COL4A1: variants seen among roughly 807,000 people sequenced by gnomAD.
COL4A1 encodes collagen alpha-1(IV) chain.
Under a neutral mutation model 216.6 loss-of-function variants are expected in COL4A1, and 40 were observed. The observed-to-expected ratio is 0.18, with a 90% confidence interval of 0.14 to 0.24. COL4A1 has a LOEUF of 0.24. Ranked by LOEUF, COL4A1 falls within the 10% of genes least tolerant of loss-of-function variation. COL4A1 has a pLI of 1.00. For synonymous variants in COL4A1, 839 were observed against 810.7 expected (o/e 1.03, Z -0.59); for missense variants, 1,628 against 2,196.8 (o/e 0.74, Z 5.18).
chr13:110,258,170 T>C (rs1882659991), intron 1 of COL4A1, among the ~76,000 whole-genome samples: 1 of 152,174 alleles, frequency 6.6e-6, no homozygotes, highest in South Asian at 2.1e-4. Flanking sequence ...TAGAAAACCT[T>C]TTGCTACCAC....
intron 47 of COL4A1, among the ~76,000 whole-genome samples, chr13:110,162,889 C>T (rs1877150829): frequency 6.6e-6 from 1 of 152,212 alleles, no homozygotes; most frequent in African/African-American, 2.4e-5. Flanking sequence ...CCATAGCAGC[C>T]CAAAGCCTGC....
rs1879161669 is a variant in COL4A1, at chr13:110,200,903, G to A, written c.1085-14C>T. On this transcript the variant is annotated splice_polypyrimidine_tract_variant and intron_variant, in intron 19 of 51. Coordinates refer to ENST00000375820, the MANE Select transcript of COL4A1 (RefSeq NM_001845.6). ...GTCCTGGGAAACCTGAAAAGAGAAAGAGAGTGTTGGATCAAACAGAACAGT... is the reference window on the plus strand; with the variant it reads ...GTCCTGGGAAACCTGAAAAGAGAAAAAGAGTGTTGGATCAAACAGAACAGT... The A allele has an allele frequency of 6.2e-7, 1 of 1,613,968 alleles. No individual in the cohort carries two copies. The highest frequency in any genetic ancestry group is 8.5e-7 in the Non-Finnish European group (1 of 1,179,856).
At position 110,176,444 on chromosome 13, in the gene COL4A1, A is replaced by T; in HGVS notation, c.3038T>A (p.Val1013Asp). ...APGLPGPKGS[V>D]GGMGLPGTPG... ...TTTACCTGGCAAGCCCATTCCACCA[A>T]CAGATCCTTTTGGTCCCGGAAGTCC... The change falls in exon 36 of 52, where the codon GTT (valine) becomes GAT (aspartate). Residue 1013 changes from valine to aspartate, a missense_variant. Val to Asp is a radical substitution (Grantham distance 152). Transcript: ENST00000375820. The T allele has an allele frequency of 6.2e-7, 1 of 1,613,616 alleles. No homozygotes were observed. The highest frequency in any genetic ancestry group is 8.5e-7 in the Non-Finnish European group (1 of 1,179,528).
At chr13:110,201,240 AAGGAGG>A (rs766675068) in intron 19 of COL4A1, among the ~76,000 whole-genome samples, 192 bp downstream of exon 19, 2 of 117,378 alleles carry the variant, frequency 1.7e-5, no homozygotes, top group African/African-American at 6.2e-5. Context: ...AGAGAGAGAG[AAGGAGG>A]AGGAGGAGGA....
chr13:110,186,251 C>T lies in COL4A1; in HGVS notation c.1897+134G>A, dbSNP rs149271696. 3.2e-4 allele frequency: 367 copies of T among 1,151,038 alleles called. 3 individuals carry two copies. The African/African-American group carries it at 5.0e-3, about 16-fold the overall frequency. The allele number at this position is 1,151,038 out of a possible 1,614,324, so 71.3% of individuals were successfully genotyped here. A position where few individuals can be genotyped will look rare whatever the true frequency, so the allele number is the denominator to read the frequency against. On this transcript the variant is annotated intron_variant, in intron 26 of 51. Coordinates refer to ENST00000375820, the MANE Select transcript of COL4A1 (RefSeq NM_001845.6). ...GCTGAAGGCTTGCCCAGGTCCTGCC[C>T]CAATTCCTGGAAGAATCAAAGCCAA...
Position 110,183,280 on chromosome 13 carries a change from G to C in COL4A1, c.1898-4C>G, listed in dbSNP as rs769913379. The C allele has an allele frequency of 1.2e-6, 2 of 1,611,876 alleles. No individual in the cohort carries two copies. Among genetic ancestry groups the C allele is most frequent in the Non-Finnish European group, 1.7e-6 (2 of 1,179,250 alleles). The stretch of plus-strand genomic sequence containing the variant: ...TTTCCTGGTTCACCCTTTGGACCTA[G>C]AGGAAAAAAAGAGCAAAGACAAACG... On this transcript the variant is annotated splice_region_variant and splice_polypyrimidine_tract_variant and intron_variant, in intron 26 of 51. Coordinates refer to ENST00000375820, the MANE Select transcript of COL4A1 (RefSeq NM_001845.6).
intron 23 of COL4A1, 28 bp downstream of exon 23, chr13:110,192,802 C>T: frequency 2.5e-6 from 4 of 1,600,242 alleles, no homozygotes; most frequent in South Asian, 1.1e-5. Context: ...CAAACTCTGA[C>T]CTGGTCCTTT....
rs1183838866 is a variant in COL4A1, at chr13:110,252,611, A to ACG, written c.85-9878_85-9877insCG. On this transcript the variant is annotated intron_variant, in intron 1 of 51. Coordinates refer to ENST00000375820, the MANE Select transcript of COL4A1 (RefSeq NM_001845.6). The stretch of plus-strand genomic sequence containing the variant: ...ATAATTATACGTATATATGTATTAT[A>ACG]TATGTATAATTGTATATATTATATA... 1.9e-4 allele frequency among the ~76,000 whole-genome samples: 6 copies of ACG among 30,910 alleles called. No individual in the cohort carries two copies. In the East Asian group the frequency reaches 7.7e-3, roughly 40 times the overall value. The allele number at this position is 30,910 out of a possible 152,430, so 20.3% of individuals were successfully genotyped here. A position where few individuals can be genotyped will look rare whatever the true frequency, so the allele number is the denominator to read the frequency against.
chr13:110,247,449 ATAAT>A (rs1474139166), intron 1 of COL4A1, among the ~76,000 whole-genome samples: 5 of 152,330 alleles, frequency 3.3e-5, no homozygotes, highest in African/African-American at 1.2e-4. Context: ...ATATGTTAAA[ATAAT>A]TAATACTGTG....
At chr13:110,279,294 T>G (rs1194766622) in intron 1 of COL4A1, among the ~76,000 whole-genome samples, 1 of 152,180 alleles carries the variant, frequency 6.6e-6, no homozygotes, top group African/African-American at 2.4e-5. Context: ...AAGGTGAGGT[T>G]TTCTGGAGTC....
At chr13:110,256,775 AG>A (rs1470221390) in intron 1 of COL4A1, among the ~76,000 whole-genome samples, 1 of 152,154 alleles carries the variant, frequency 6.6e-6, no homozygotes, top group Non-Finnish European at 1.5e-5. Flanking sequence ...TTCAGCAACA[AG>A]GATAGCAAAT....
At chr13:110,150,492 G>A (rs746000933) in intron 51 of COL4A1, 48 bp from the exon 52 acceptor site, 63 of 1,574,344 alleles carry the variant, frequency 4.0e-5, no homozygotes, top group African/African-American at 5.4e-5. Context: ...CTCACAGCAC[G>A]TCAGAAACAT....
rs759656491 is a variant in COL4A1 at position 110,235,554 on chromosome 13, G to A, written c.144+7121C>T. On this transcript the variant is annotated intron_variant, in intron 2 of 51. Transcript: ENST00000375820. Reference sequence around the variant, plus strand: ...TAGTCCCAGCTACTTGGGAGGCTGAGGGAGGAGAATGGCGTGAACCAGTGA... The same window carrying A: ...TAGTCCCAGCTACTTGGGAGGCTGAAGGAGGAGAATGGCGTGAACCAGTGA... Among the ~76,000 whole-genome samples the A allele has an allele frequency of 3.3e-5, 5 of 152,072 alleles. No homozygotes were observed. The South Asian group carries it at 1.0e-3, about 32-fold the overall frequency.
At chr13:110,264,450 T>A (rs1217741016) in intron 1 of COL4A1, among the ~76,000 whole-genome samples, 2 of 151,634 alleles carry the variant, frequency 1.3e-5, no homozygotes, top group East Asian at 3.9e-4. Flanking sequence ...TTCCCAATAA[T>A]TCCTAAGAAC....
In COL4A1 at chr13:110,177,900, G is replaced by T; in HGVS notation, c.2658C>A (p.Thr886=). The T allele has an allele frequency of 1.2e-6, 2 of 1,614,122 alleles. No homozygotes were observed. Among genetic ancestry groups the T allele is most frequent in the Non-Finnish European group, 1.7e-6 (2 of 1,180,034 alleles). Residue 886 remains threonine (T), a synonymous_variant, in exon 33 of 52, where the codon ACC becomes ACA. Transcript: ENST00000375820. ...GTCCTGGTGAGCCCGGCTGCCCGGG[G>T]GTCCCCATGACGCCCATTTCTCCCT... is the stretch of plus-strand genomic sequence containing the variant. ...GSKGEMGVMG[T]PGQPGSPGPV...
chr13:110,219,007 A>G (rs1880239347), intron 2 of COL4A1, among the ~76,000 whole-genome samples: 2 of 152,200 alleles, frequency 1.3e-5, no homozygotes, highest in Admixed American at 1.3e-4. Flanking sequence ...CCATCAGAAG[A>G]GACATCAGAA....
intron 1 of COL4A1, among the ~76,000 whole-genome samples, chr13:110,261,819 G>C (rs908035339): frequency 6.6e-6 from 1 of 152,352 alleles, no homozygotes; most frequent in African/African-American, 2.4e-5. Context: ...GCCTGGTGCA[G>C]TGCCTGCCAC....
At chr13:110,277,986 C>G (rs1392876040) in intron 1 of COL4A1, among the ~76,000 whole-genome samples, 2 of 152,152 alleles carry the variant, frequency 1.3e-5, no homozygotes, top group African/African-American at 4.8e-5. Flanking sequence ...CCTATTTACC[C>G]CAGCCTTTTC....
chr13:110,237,595 C>T (rs1464968779), intron 2 of COL4A1, among the ~76,000 whole-genome samples: 1 of 152,200 alleles, frequency 6.6e-6, no homozygotes, highest in Non-Finnish European at 1.5e-5. Context: ...TGGTTTCTTC[C>T]ACTGTATAAT....
Sources: allele counts gnomAD v4.1 joint callset (sites outside exome capture counted in the v4.1 genomes callset), GRCh38; gene constraint gnomAD v4.1.1; transcripts MANE v1.5; gene names NCBI Gene and HGNC (gene_info 2026-07-23, HGNC 2026-07-21).